Variants in RAD51B observed in about 807,000 individuals in gnomAD.
The protein encoded by RAD51B is DNA repair protein RAD51 homolog 2.
Under a neutral mutation model 42.2 loss-of-function variants are expected in RAD51B, and 38 were observed. The ratio of observed to expected loss-of-function variants is 0.90; its 90% CI spans 0.70 to 1.18. The LOEUF (loss-of-function observed/expected upper bound fraction) is 1.18. Ranked by LOEUF, RAD51B falls within the 50% of genes most tolerant of loss-of-function variation. The pLI, the probability that RAD51B is intolerant of heterozygous loss-of-function variation, is 0.00. For missense variants in RAD51B, 373 were observed against 400.7 expected (o/e 0.93, Z 0.59); for synonymous variants, 154 against 145.2 (o/e 1.06, Z -0.43).
At chr14:68,244,416 G>A (rs1184296610) in intron 7 of RAD51B, among the ~76,000 whole-genome samples, 3 of 152,158 alleles carry the variant, frequency 2.0e-5, no homozygotes, top group Non-Finnish European at 2.9e-5. Context: ...ATTCTCCTGA[G>A]CTCTCTTTCC....
At chr14:68,070,962 C>T (rs2076731252) in intron 7 of RAD51B, among the ~76,000 whole-genome samples, 1 of 152,082 alleles carries the variant, frequency 6.6e-6, no homozygotes, top group Non-Finnish European at 1.5e-5. Context: ...TTTCTCTTAG[C>T]AGTGTTGTGT....
At chr14:68,570,664 C>T (rs904480012) in intron 10 of RAD51B, among the ~76,000 whole-genome samples, 13 of 152,226 alleles carry the variant, frequency 8.5e-5, no homozygotes, top group Non-Finnish European at 1.3e-4. Flanking sequence ...GTGTCCAGCC[C>T]CCATCCCCAT....
chr14:68,642,632 T>G (rs1892485408), intron 10 of RAD51B, among the ~76,000 whole-genome samples: 1 of 152,216 alleles, frequency 6.6e-6, no homozygotes, highest in Non-Finnish European at 1.5e-5. Flanking sequence ...ATTTGTATTA[T>G]TTCTTTTCGT....
In RAD51B at chr14:68,544,151, C is replaced by G. The variant is rs11848742; in HGVS notation, c.1037-50334C>G. Among the ~76,000 whole-genome samples the G allele has an allele frequency of 3.4e-3, 517 of 152,260 alleles. 6 individuals carry two copies. The highest frequency in any genetic ancestry group is 0.012 in the African/African-American group (504 of 41,530). On this transcript the variant is annotated intron_variant, in intron 10 of 10. Transcript: ENST00000487270. The stretch of plus-strand genomic sequence containing the variant: ...CACAAAAATTTAGACTAGAACTTGG[C>G]AGGAATAAAGAGATTTACACCAAGC...
At chr14:68,247,797 G>T (rs533863434) in intron 7 of RAD51B, among the ~76,000 whole-genome samples, 74 of 152,234 alleles carry the variant, frequency 4.9e-4, no homozygotes, top group African/African-American at 1.7e-3. Context: ...ATTTAAGAAT[G>T]ATCACTAGCA....
At chr14:68,153,614 T>G (rs140863472) in intron 7 of RAD51B, among the ~76,000 whole-genome samples, 38 of 152,352 alleles carry the variant, frequency 2.5e-4, no homozygotes, top group African/African-American at 7.2e-4. Flanking sequence ...TTTCATATGC[T>G]CGTTGGCCAT....
chr14:68,244,411 C>T (rs2141008428), intron 7 of RAD51B, among the ~76,000 whole-genome samples: 1 of 152,278 alleles, frequency 6.6e-6, no homozygotes, highest in Admixed American at 6.5e-5. Flanking sequence ...TTTTTATTCT[C>T]CTGAGCTCTC....
chr14:68,410,496 T>C (rs1420865492), intron 8 of RAD51B, among the ~76,000 whole-genome samples: 2 of 152,226 alleles, frequency 1.3e-5, no homozygotes, highest in African/African-American at 4.8e-5. Flanking sequence ...TGTCCAACTG[T>C]GCCCTCCTAA....
chr14:67,931,575 T>A (rs947644026), intron 7 of RAD51B, among the ~76,000 whole-genome samples: 1 of 148,466 alleles, frequency 6.7e-6, no homozygotes, highest in Admixed American at 6.8e-5. Flanking sequence ...CAACCTCAGC[T>A]CACTGCAACC....
At chr14:68,474,788 C>A (rs1365311090) in intron 10 of RAD51B, among the ~76,000 whole-genome samples, 1 of 152,188 alleles carries the variant, frequency 6.6e-6, no homozygotes, top group African/African-American at 2.4e-5. Context: ...CATACTGATA[C>A]AATAATCCTT....
chr14:68,503,331 G>T (rs1470936590), intron 10 of RAD51B, among the ~76,000 whole-genome samples: 1 of 152,110 alleles, frequency 6.6e-6, no homozygotes, highest in Non-Finnish European at 1.5e-5. Flanking sequence ...TGGTTTAACC[G>T]GCTGACATTC....
chr14:68,012,634 T>G (rs1053656768), intron 7 of RAD51B, among the ~76,000 whole-genome samples: 6 of 152,114 alleles, frequency 3.9e-5, no homozygotes, highest in Admixed American at 3.9e-4. Flanking sequence ...ATTTCTTATT[T>G]AGTGTTAGGA....
chr14:68,563,276 G>C (rs1407797621), intron 10 of RAD51B: 1 of 985,252 alleles, frequency 1.0e-6, no homozygotes, highest in African/African-American at 1.7e-5. Flanking sequence ...ATCCAGAATG[G>C]GCCAAGCCGA....
intron 5 of RAD51B, among the ~76,000 whole-genome samples, chr14:67,879,755 C>T (rs1455816473): frequency 1.3e-5 from 2 of 152,184 alleles, no homozygotes; most frequent in Non-Finnish European, 2.9e-5. Flanking sequence ...TGCATTCAGT[C>T]TGTTGCACTC....
intron 6 of RAD51B, among the ~76,000 whole-genome samples, chr14:67,886,214 A>G (rs2043056970): frequency 6.6e-6 from 1 of 152,188 alleles, no homozygotes; most frequent in African/African-American, 2.4e-5. Flanking sequence ...GTGGTGTATT[A>G]TTTATCTATT....
Position 68,574,761 on chromosome 14 carries a change from T to G in RAD51B, c.1037-19724T>G, listed in dbSNP as rs567739183. The stretch of plus-strand genomic sequence containing the variant: ...TTCTCCAACAGAAAATAGTTTATTT[T>G]TATTTTTTCATGGCTGGCAGCAAGG... On this transcript the variant is annotated intron_variant, in intron 10 of 10. Transcript: ENST00000487270. 2.0e-5 allele frequency among the ~76,000 whole-genome samples: 3 copies of G among 152,336 alleles called. No individual in the cohort carries two copies. In the East Asian group the frequency reaches 5.8e-4, roughly 29 times the overall value.
chr14:68,055,680 A>G (rs2076462354), intron 7 of RAD51B, among the ~76,000 whole-genome samples: 1 of 152,178 alleles, frequency 6.6e-6, no homozygotes, highest in South Asian at 2.1e-4. Flanking sequence ...CTAGCATTGG[A>G]TCTCTCATGA....
At chr14:68,104,051 AC>A (rs918326704) in intron 7 of RAD51B, among the ~76,000 whole-genome samples, 4 of 152,194 alleles carry the variant, frequency 2.6e-5, no homozygotes, top group Non-Finnish European at 5.9e-5. Context: ...TCAATGTGAC[AC>A]AAGTACTGTT....
chr14:68,639,051 G>C (rs1180708809), intron 10 of RAD51B, among the ~76,000 whole-genome samples: 2 of 152,030 alleles, frequency 1.3e-5, no homozygotes, highest in Non-Finnish European at 2.9e-5. Context: ...ACCCCACGTA[G>C]ACTGAAGGAA....
Sources: allele counts gnomAD v4.1 joint callset (sites outside exome capture counted in the v4.1 genomes callset), GRCh38; gene constraint gnomAD v4.1.1; transcripts MANE v1.5; gene names NCBI Gene and HGNC (gene_info 2026-07-23, HGNC 2026-07-21).